VWF: variants seen among roughly 807,000 people sequenced by gnomAD.
The protein encoded by VWF is von Willebrand factor, also known as Factor VIII related antigen.
Under a neutral mutation model 308.6 loss-of-function variants are expected in VWF, and 176 were observed. The observed-to-expected ratio is 0.57, with a 90% CI of 0.50 to 0.65. The LOEUF is 0.65. Among genes scored for constraint, VWF ranks in the 30% least tolerant of loss-of-function variants. The pLI is 0.00. For synonymous variants in VWF, 1,385 were observed against 1,443.4 expected (o/e 0.96, Z 0.92); for missense variants, 3,146 against 3,648.2 (o/e 0.86, Z 3.55).
At chr12:6,041,073 T>C (rs909094238) in intron 18 of VWF, among the ~76,000 whole-genome samples, 1 of 152,178 alleles carries the variant, frequency 6.6e-6, no homozygotes, top group Non-Finnish European at 1.5e-5. Flanking sequence ...TTATGTCTGT[T>C]ATATGTCATA....
At chr12:6,062,129 C>A (rs1944660861) in intron 13 of VWF, among the ~76,000 whole-genome samples, 1 of 152,018 alleles carries the variant, frequency 6.6e-6, no homozygotes. Flanking sequence ...AAATATAATC[C>A]TCCTACAAGA....
chr12:6,112,616 G>T (rs1434033426), intron 3 of VWF, among the ~76,000 whole-genome samples: 1 of 152,184 alleles, frequency 6.6e-6, no homozygotes, highest in Non-Finnish European at 1.5e-5. Flanking sequence ...GGATAGGGGA[G>T]TGTGGGCTTC....
chr12:5,955,605 T>A (rs920473117), intron 47 of VWF, among the ~76,000 whole-genome samples: 1 of 152,176 alleles, frequency 6.6e-6, no homozygotes, highest in African/African-American at 2.4e-5. Flanking sequence ...ATTTTCTTAA[T>A]CCAGTCTATC....
intron 6 of VWF, among the ~76,000 whole-genome samples, chr12:6,084,038 T>G (rs778484493): frequency 6.6e-6 from 1 of 152,188 alleles, no homozygotes; most frequent in African/African-American, 2.4e-5. Flanking sequence ...CTGGACATCC[T>G]ACCCCAAACT....
intron 32 of VWF, 57 bp downstream of exon 32, chr12:6,013,424 C>T (rs559614411): frequency 2.1e-5 from 34 of 1,605,712 alleles, no homozygotes; most frequent in African/African-American, 2.7e-5. Context: ...GTTTCTTTGG[C>T]GGGTTTATTT....
chr12:6,101,151 G>A (rs370305317), intron 5 of VWF, among the ~76,000 whole-genome samples: 225 of 152,230 alleles, frequency 1.5e-3, no homozygotes, highest in Admixed American at 2.5e-3. Flanking sequence ...ATCACCTGCC[G>A]ATTAGACACA....
rs143857769 is a variant in VWF, at chr12:6,059,090, G to C, written c.1534-1046C>G. On this transcript the variant is annotated intron_variant, in intron 13 of 51. Transcript: ENST00000261405. ...ATGCAGGGTTAACAATCCAGTAGAA[G>C]GTCCCAGGCCCATAGAAATCGAACC... Among the ~76,000 whole-genome samples the C allele has an allele frequency of 2.0e-5, 3 of 152,312 alleles. No individual in the cohort carries two copies. The East Asian group carries it at 5.8e-4, about 29-fold the overall frequency.
chr12:5,981,574 A>G (rs895696294), intron 42 of VWF, among the ~76,000 whole-genome samples: 5 of 152,144 alleles, frequency 3.3e-5, no homozygotes, highest in South Asian at 2.1e-4. Flanking sequence ...TGGAATGCTG[A>G]CTGCCCCCCA....
intron 42 of VWF, among the ~76,000 whole-genome samples, chr12:5,980,069 GAAAGAAAGAAAGA>G (rs1462692446): frequency 1.1e-4 from 15 of 134,804 alleles, no homozygotes; most frequent in African/African-American, 4.3e-4. Context: ...CGAATGAAAA[GAAAGAAAGAAAGA>G]AAAGAAAGAA....
intron 10 of VWF, among the ~76,000 whole-genome samples, chr12:6,068,216 C>T (rs1198255168): frequency 6.7e-6 from 1 of 148,872 alleles, no homozygotes; most frequent in Non-Finnish European, 1.5e-5. Context: ...TGAAAAAAAA[C>T]AAAACGGAAC....
intron 42 of VWF, among the ~76,000 whole-genome samples, chr12:5,978,026 T>C (rs1362039592): frequency 2.0e-5 from 3 of 149,416 alleles, no homozygotes; most frequent in African/African-American, 4.9e-5. Context: ...TTTTACACCA[T>C]AGTAATTTTA....
At chr12:5,983,476 G>GATACATAC (rs756632885) in intron 40 of VWF, among the ~76,000 whole-genome samples, 27 of 73,372 alleles carry the variant, frequency 3.7e-4, no homozygotes, top group East Asian at 2.6e-3. Flanking sequence ...TAGATAGATA[G>GATACATAC]ATACATACAT....
chr12:6,123,577 T>C (rs781539715), intron 1 of VWF, among the ~76,000 whole-genome samples: 5 of 151,940 alleles, frequency 3.3e-5, no homozygotes, highest in Non-Finnish European at 5.9e-5. Flanking sequence ...AACTGGCGAG[T>C]AGGAACCGTC....
At chr12:5,980,899 G>A (rs531611327) in intron 42 of VWF, among the ~76,000 whole-genome samples, 3 of 152,238 alleles carry the variant, frequency 2.0e-5, no homozygotes, top group South Asian at 2.1e-4. Context: ...TTCTCACTCC[G>A]CCACTTTCGC....
chr12:5,996,248 A>G (rs1014157530), intron 34 of VWF, 26 bp from the exon 35 acceptor site: 5 of 1,588,644 alleles, frequency 3.1e-6, no homozygotes, highest in Non-Finnish European at 4.3e-6. Context: ...CAGAGGATGG[A>G]TGCGACGTTA....
chr12:6,021,132 G>A (rs1252220909), intron 27 of VWF: 2 of 152,272 alleles, frequency 1.3e-5, no homozygotes, highest in African/African-American at 4.8e-5. Context: ...ACCCCAGGCA[G>A]TGTTCATTCT....
chr12:5,972,867 T>C (rs1420141233), intron 43 of VWF, among the ~76,000 whole-genome samples: 1 of 151,830 alleles, frequency 6.6e-6, no homozygotes. Flanking sequence ...AAAAACAAGG[T>C]CTCAGGGGGT....
chr12:5,998,729 A>G (rs981862042), intron 34 of VWF, among the ~76,000 whole-genome samples: 2 of 151,790 alleles, frequency 1.3e-5, no homozygotes, highest in Admixed American at 1.3e-4. Flanking sequence ...TTTTATTTTT[A>G]TTTTTATTTT....
chr12:6,032,972 TCACACACACGCACATGCATACACC>T (rs1391541582), intron 20 of VWF, among the ~76,000 whole-genome samples: 10 of 148,784 alleles, frequency 6.7e-5, no homozygotes, highest in Non-Finnish European at 1.2e-4. Context: ...TCATACACAG[TCACACACACGCACATGCATACACC>T]CACACACACG....
Sources: allele counts gnomAD v4.1 joint callset (sites outside exome capture counted in the v4.1 genomes callset), GRCh38; gene constraint gnomAD v4.1.1; transcripts MANE v1.5; gene names NCBI Gene and HGNC (gene_info 2026-07-23, HGNC 2026-07-21).